Variants in GPATCH8 observed in about 807,000 individuals in gnomAD.
The protein encoded by GPATCH8 is G-patch domain containing 8.
Under a neutral mutation model 118.3 loss-of-function variants are expected in GPATCH8, and 18 were observed. The observed-to-expected ratio is 0.15, with a 90% CI of 0.11 to 0.23. The LOEUF (loss-of-function observed/expected upper bound fraction) is 0.23. GPATCH8 is among the 10% of genes least tolerant of loss of function. The probability of loss-of-function intolerance (pLI) is 1.00; values close to 1 mark genes in which losing one functional copy is unlikely to be tolerated. For missense variants in GPATCH8, 1,631 were observed against 1,873.8 expected, an observed-to-expected ratio of 0.87 and a Z score of 2.39; for synonymous variants, 659 against 684.7, an observed-to-expected ratio of 0.96 and a Z score of 0.59.
intron 1 of GPATCH8, among the ~76,000 whole-genome samples, chr17:44,498,658 T>A (rs988627493): frequency 6.6e-6 from 1 of 152,246 alleles, no homozygotes; most frequent in Non-Finnish European, 1.5e-5. Flanking sequence ...CCTTTTCACT[T>A]ATCATACTAT....
chr17:44,447,913 C>T (rs1284021075), intron 3 of GPATCH8, among the ~76,000 whole-genome samples: 2 of 152,192 alleles, frequency 1.3e-5, no homozygotes, highest in African/African-American at 4.8e-5. Context: ...AGAAATTAGT[C>T]TTCCTTTTAT....
chr17:44,430,285 T>C (rs2050258992), intron 5 of GPATCH8, among the ~76,000 whole-genome samples: 1 of 152,136 alleles, frequency 6.6e-6, no homozygotes, highest in South Asian at 2.1e-4. Flanking sequence ...AACAAAATGC[T>C]ATCAAACCAA....
intron 3 of GPATCH8, among the ~76,000 whole-genome samples, chr17:44,444,856 C>G (rs1374327344): frequency 6.6e-6 from 1 of 152,166 alleles, no homozygotes; most frequent in East Asian, 1.9e-4. Flanking sequence ...GTATGTAGGC[C>G]AGAATGGCAT....
At chr17:44,414,115 A>ATATATATG (rs1555624945) in intron 6 of GPATCH8, among the ~76,000 whole-genome samples, 1 of 83,466 alleles carries the variant, frequency 1.2e-5, no homozygotes, top group African/African-American at 4.6e-5. Flanking sequence ...GTATATATAT[A>ATATATATG]TGTATATATA....
chr17:44,423,281 A>G (rs1192457015), intron 6 of GPATCH8, among the ~76,000 whole-genome samples: 1 of 152,214 alleles, frequency 6.6e-6, no homozygotes, highest in African/African-American at 2.4e-5. Context: ...TAGTAAGTTG[A>G]AAAGCTGTCT....
At chr17:44,449,842 G>C (rs2051050536) in intron 3 of GPATCH8, among the ~76,000 whole-genome samples, 1 of 152,176 alleles carries the variant, frequency 6.6e-6, no homozygotes, top group South Asian at 2.1e-4. Context: ...AGAACCCAAG[G>C]TGATTCTGCT....
intron 1 of GPATCH8, among the ~76,000 whole-genome samples, chr17:44,487,540 T>C (rs1968881287): frequency 6.6e-6 from 1 of 152,236 alleles, no homozygotes. Flanking sequence ...ATTGCTGGAT[T>C]GAACGGTAAA....
At chr17:44,424,822 T>C (rs1391572726) in intron 5 of GPATCH8, among the ~76,000 whole-genome samples, 1 of 152,206 alleles carries the variant, frequency 6.6e-6, no homozygotes, top group Non-Finnish European at 1.5e-5. Context: ...ATATACAACC[T>C]GTATTAATAG....
At chr17:44,406,598 A>G (rs189624860) in intron 6 of GPATCH8, among the ~76,000 whole-genome samples, 4 of 149,642 alleles carry the variant, frequency 2.7e-5, no homozygotes, top group Admixed American at 6.8e-5. Flanking sequence ...GAGGTTTCCT[A>G]TAACTATTAA....
At chr17:44,442,724 A>C (rs546211891) in intron 3 of GPATCH8, among the ~76,000 whole-genome samples, 1 of 152,338 alleles carries the variant, frequency 6.6e-6, no homozygotes, top group Middle Eastern at 3.4e-3. Context: ...CTCAGCCTCC[A>C]AAGTGCTGGG....
At chr17:44,434,263 T>C (rs951709888) in intron 5 of GPATCH8, among the ~76,000 whole-genome samples, 1 of 151,122 alleles carries the variant, frequency 6.6e-6, no homozygotes, top group Non-Finnish European at 1.5e-5. Flanking sequence ...TCAGTATAAA[T>C]AGGCTGAAGA....
chr17:44,483,088 G>A (rs1471884027), intron 1 of GPATCH8, among the ~76,000 whole-genome samples: 2 of 128,814 alleles, frequency 1.6e-5, no homozygotes, highest in Non-Finnish European at 3.2e-5. Context: ...CCCAGGAGGC[G>A]GAGCTTGCAG....
chr17:44,497,544 C>T (rs1328396569), intron 1 of GPATCH8, among the ~76,000 whole-genome samples: 3 of 151,884 alleles, frequency 2.0e-5, no homozygotes, highest in Non-Finnish European at 2.9e-5. Flanking sequence ...GCCATGATCG[C>T]GTCACTGCAC....
intron 3 of GPATCH8, among the ~76,000 whole-genome samples, chr17:44,446,910 C>T (rs1010507239): frequency 2.0e-5 from 3 of 152,088 alleles, no homozygotes; most frequent in African/African-American, 7.2e-5. Flanking sequence ...TCTTGGCTCA[C>T]TGCAACCTCC....
chr17:44,422,333 C>T (rs931140495), intron 6 of GPATCH8, among the ~76,000 whole-genome samples: 1 of 151,948 alleles, frequency 6.6e-6, no homozygotes, highest in African/African-American at 2.4e-5. Flanking sequence ...ACATGTGCCA[C>T]CACACCCAGC....
chr17:44,420,075 G>A (rs1229908745), intron 6 of GPATCH8, among the ~76,000 whole-genome samples: 1 of 150,526 alleles, frequency 6.6e-6, no homozygotes, highest in Non-Finnish European at 1.5e-5. Flanking sequence ...GAGCTTTTAA[G>A]ATGAAGAAAT....
intron 6 of GPATCH8, among the ~76,000 whole-genome samples, chr17:44,411,164 A>C (rs1216299586): frequency 1.3e-5 from 2 of 152,230 alleles, no homozygotes; most frequent in African/African-American, 4.8e-5. Context: ...AAAATAAGGC[A>C]ACTATGACAA....
At position 44,400,458 on chromosome 17, in the gene GPATCH8, A is replaced by T; in HGVS notation, c.1619T>A (p.Val540Asp). ...GGCAGTGCTTTCATCTTTGCTCAAA[A>T]CTGGGAAGAAGGGACCAGTAGGATG... ...PKHPTGPFFP[V>D]LSKDESTALQ... is the part of the protein sequence containing the mutation. Residue 540 changes from valine to aspartate, a missense_variant, in exon 8 of 8, where the codon GTT becomes GAT. Transcript: ENST00000591680. 1 of 1,614,182 alleles carries T rather than the reference A, an allele frequency of 6.2e-7. No homozygotes were observed. The highest frequency in any genetic ancestry group is 8.5e-7 in the Non-Finnish European group (1 of 1,180,014).
chr17:44,492,319 C>T (rs1309015567), intron 1 of GPATCH8, among the ~76,000 whole-genome samples: 2 of 135,166 alleles, frequency 1.5e-5, no homozygotes, highest in African/African-American at 2.7e-5. Flanking sequence ...AAAAAGCGCC[C>T]GTAACCCCAG....
Sources: gnomAD v4.1 joint callset for allele counts (sites outside exome capture counted in the v4.1 genomes callset) on GRCh38, gnomAD v4.1.1 for gene constraint, MANE v1.5 for transcripts, NCBI Gene and HGNC (gene_info 2026-07-23, HGNC 2026-07-21) for gene names.